EDAR: variants seen among roughly 807,000 people sequenced by gnomAD.
EDAR encodes ectodysplasin A receptor, also known as tumor necrosis factor receptor superfamily member EDAR.
Under a neutral mutation model 51.3 loss-of-function variants are expected in EDAR, and 38 were observed. The ratio of observed to expected loss-of-function variants is 0.74; its 90% CI spans 0.57 to 0.97. EDAR has a LOEUF of 0.97. EDAR is among the 50% of genes least tolerant of loss of function. EDAR has a pLI of 0.00. For missense variants in EDAR, 528 were observed against 595.0 expected (o/e 0.89, Z 1.17); for synonymous variants, 227 against 242.1 (o/e 0.94, Z 0.58).
At chr2:108,968,334 C>CT (rs984585682) in intron 1 of EDAR, among the ~76,000 whole-genome samples, 64 of 152,086 alleles carry the variant, frequency 4.2e-4, no homozygotes, top group African/African-American at 9.7e-5. Flanking sequence ...GTCTTCAAGC[C>CT]TTTTTTTGTT....
chr2:108,916,501 C>T (rs911362251), intron 5 of EDAR, among the ~76,000 whole-genome samples: 1 of 152,126 alleles, frequency 6.6e-6, no homozygotes, highest in Non-Finnish European at 1.5e-5. Flanking sequence ...TGACATCTTC[C>T]TGCACCCACA....
rs149501003 is a variant in EDAR at position 108,971,099 on chromosome 2, C to G, written c.-19+17861G>C. Among the ~76,000 whole-genome samples the G allele has an allele frequency of 3.1e-4, 47 of 152,244 alleles. No individual in the cohort carries two copies. The East Asian group carries it at 8.5e-3, about 28-fold the overall frequency. On this transcript the variant is annotated intron_variant, in intron 1 of 11. Transcript: ENST00000258443. ...GTGCTCACTGGGGGATTCTTCACCC[C>G]CTCCGACTCAGTCCTGGTGCCTGGA...
At chr2:108,960,514 T>G (rs944748534) in intron 1 of EDAR, among the ~76,000 whole-genome samples, 1 of 152,174 alleles carries the variant, frequency 6.6e-6, no homozygotes, top group Non-Finnish European at 1.5e-5. Context: ...CAGGGCAGGG[T>G]GCACACCTGT....
chr2:108,931,246 G>A (rs1697361607), intron 1 of EDAR, among the ~76,000 whole-genome samples: 1 of 152,266 alleles, frequency 6.6e-6, no homozygotes, highest in Non-Finnish European at 1.5e-5. Flanking sequence ...ATGCCTGGGA[G>A]GGAGCCTGAG....
chr2:108,916,433 C>T (rs970718997), intron 5 of EDAR, among the ~76,000 whole-genome samples: 10 of 152,118 alleles, frequency 6.6e-5, no homozygotes, highest in African/African-American at 2.4e-4. Flanking sequence ...TGTGGGATGC[C>T]TCTGCAGCCC....
At chr2:108,901,852 C>T (rs1696705920) in intron 11 of EDAR, among the ~76,000 whole-genome samples, 1 of 152,178 alleles carries the variant, frequency 6.6e-6, no homozygotes, top group Non-Finnish European at 1.5e-5. Flanking sequence ...GCCTGTAATC[C>T]CAGCACTTTG....
At chr2:108,983,761 C>T (rs1698453820) in intron 1 of EDAR, among the ~76,000 whole-genome samples, 1 of 152,208 alleles carries the variant, frequency 6.6e-6, no homozygotes, top group South Asian at 2.1e-4. Context: ...ACTCCAAAGG[C>T]CATATGGAGT....
At chr2:108,901,413 T>G (rs1002427102) in intron 11 of EDAR, among the ~76,000 whole-genome samples, 2 of 152,048 alleles carry the variant, frequency 1.3e-5, no homozygotes, top group African/African-American at 4.8e-5. Flanking sequence ...TTTCAAGCAC[T>G]TAGAAAAAGA....
chr2:108,918,822 T>C (rs1273931210), intron 5 of EDAR, among the ~76,000 whole-genome samples: 2 of 152,194 alleles, frequency 1.3e-5, no homozygotes, highest in Admixed American at 1.3e-4. Context: ...CTGGCTGGGA[T>C]TCTCTGCAGA....
intron 4 of EDAR, among the ~76,000 whole-genome samples, chr2:108,925,020 C>T (rs1371118030): frequency 6.6e-6 from 1 of 152,234 alleles, no homozygotes; most frequent in Non-Finnish European, 1.5e-5. Flanking sequence ...CTCACTTCCT[C>T]GCCCTTGCCT....
At chr2:108,957,069 C>A (rs1323773155) in intron 1 of EDAR, among the ~76,000 whole-genome samples, 1 of 152,216 alleles carries the variant, frequency 6.6e-6, no homozygotes, top group Non-Finnish European at 1.5e-5. Flanking sequence ...GAATTACAGG[C>A]GTGAGCCGCC....
chr2:108,986,902 T>C (rs1698509097), intron 1 of EDAR, among the ~76,000 whole-genome samples: 1 of 152,218 alleles, frequency 6.6e-6, no homozygotes, highest in African/African-American at 2.4e-5. Context: ...ATTGATCTAA[T>C]GTGCTAAGTG....
chr2:108,971,084 G>A lies in EDAR; in HGVS notation c.-19+17876C>T, dbSNP rs529494453. Among the ~76,000 whole-genome samples, 3 of 152,190 alleles carry A rather than the reference G, an allele frequency of 2.0e-5. No individual in the cohort carries two copies. The East Asian group carries it at 5.8e-4, about 29-fold the overall frequency. On this transcript the variant is annotated intron_variant, in intron 1 of 11. Transcript: ENST00000258443. ...GGGTCCGGCGAGACCGTGCTCACTG[G>A]GGGATTCTTCACCCCCTCCGACTCA...
chr2:108,921,913 G>T (rs1020821816), intron 5 of EDAR, among the ~76,000 whole-genome samples: 2 of 152,352 alleles, frequency 1.3e-5, no homozygotes, highest in African/African-American at 4.8e-5. Context: ...GGATTCTAAG[G>T]CCCTACCCCG....
chr2:108,939,738 C>G (rs1004091238), intron 1 of EDAR, among the ~76,000 whole-genome samples: 3 of 152,210 alleles, frequency 2.0e-5, no homozygotes, highest in Admixed American at 1.3e-4. Flanking sequence ...TTGTTTTCTG[C>G]CAATGGGCTA....
Position 108,930,139 on chromosome 2 carries a change from G to C in EDAR, c.155C>G (p.Pro52Arg), listed in dbSNP as rs150453017. The C allele has an allele frequency of 6.2e-7, 1 of 1,613,872 alleles. No homozygotes were observed. ...GLCQECPPCGPGEEPYLSCGY... is the reference protein window; with the variant it reads ...GLCQECPPCGRGEEPYLSCGY... Reference sequence around the variant, plus strand: ...CCTTACCAGGTAGGGCTCCTCTCCCGGCCCACACGGGGGGCACTCCTGGCA... The same window carrying C: ...CCTTACCAGGTAGGGCTCCTCTCCCCGCCCACACGGGGGGCACTCCTGGCA... Residue 52 changes from proline (P) to arginine (R), a missense_variant, in exon 3 of 12, where the codon CCG becomes CGG. Coordinates refer to ENST00000258443, the MANE Select transcript of EDAR (RefSeq NM_022336.4).
chr2:108,957,829 C>T (rs1444656139), intron 1 of EDAR, among the ~76,000 whole-genome samples: 1 of 152,192 alleles, frequency 6.6e-6, no homozygotes, highest in Non-Finnish European at 1.5e-5. Flanking sequence ...TGTTGCCTAG[C>T]CTCATCTGCA....
At chr2:108,947,608 T>C (rs537311643) in intron 1 of EDAR, among the ~76,000 whole-genome samples, 153 of 152,322 alleles carry the variant, frequency 1.0e-3, no homozygotes, top group Non-Finnish European at 1.8e-3. Context: ...CAACACCAAG[T>C]GGAAGTTGCC....
intron 5 of EDAR, among the ~76,000 whole-genome samples, chr2:108,913,766 C>G (rs988433776): frequency 6.6e-6 from 1 of 151,812 alleles, no homozygotes; most frequent in Non-Finnish European, 1.5e-5. Context: ...CTGGCTAACA[C>G]AGGGAAACCC....
Sources: gnomAD v4.1 joint callset for allele counts (sites outside exome capture counted in the v4.1 genomes callset) on GRCh38, gnomAD v4.1.1 for gene constraint, MANE v1.5 for transcripts, NCBI Gene and HGNC (gene_info 2026-07-23, HGNC 2026-07-21) for gene names.